LRMDA: variants seen among roughly 807,000 people sequenced by gnomAD.
The protein encoded by LRMDA is leucine-rich melanocyte differentiation-associated protein.
LRMDA carries 18 observed loss-of-function variants against 29.8 expected under a neutral mutation model. The ratio of observed to expected loss-of-function variants is 0.60; its 90% CI spans 0.42 to 0.90. The LOEUF is 0.90. Ranked by LOEUF, LRMDA falls within the 40% of genes least tolerant of loss-of-function variation. The probability of loss-of-function intolerance (pLI) is 0.00; values close to 1 mark genes in which losing one functional copy is unlikely to be tolerated. For synonymous variants in LRMDA, 125 were observed against 109.4 expected (o/e 1.14, Z -0.89); for missense variants, 273 against 273.9 (o/e 1.00, Z 0.02).
At chr10:76,183,846 G>A (rs1030175641) in intron 5 of LRMDA, among the ~76,000 whole-genome samples, 1 of 152,076 alleles carries the variant, frequency 6.6e-6, no homozygotes, top group African/African-American at 2.4e-5. Context: ...AGCCTCCCAA[G>A]TAGCTGGGGC....
chr10:76,524,387 C>T (rs183326935), intron 6 of LRMDA, among the ~76,000 whole-genome samples: 7 of 152,210 alleles, frequency 4.6e-5, no homozygotes, highest in South Asian at 4.2e-4. Flanking sequence ...AATTCATTAA[C>T]GAAAACGTAA....
intron 2 of LRMDA, among the ~76,000 whole-genome samples, chr10:75,653,987 G>C (rs567850017): frequency 9.9e-5 from 15 of 152,156 alleles, no homozygotes; most frequent in Non-Finnish European, 1.9e-4. Flanking sequence ...CCCCGGGTTG[G>C]CCTCTATGTG....
chr10:75,825,546 G>A (rs747745228), intron 2 of LRMDA, among the ~76,000 whole-genome samples: 6 of 152,222 alleles, frequency 3.9e-5, no homozygotes, highest in East Asian at 1.9e-4. Context: ...TAAAGCAAAC[G>A]AATTCCTGGG....
intron 5 of LRMDA, among the ~76,000 whole-genome samples, chr10:76,275,350 T>G (rs2132326370): frequency 1.3e-5 from 2 of 152,170 alleles, no homozygotes; most frequent in South Asian, 4.1e-4. Flanking sequence ...TCTTCATTCT[T>G]TGTATCATTT....
At chr10:76,339,271 C>CA (rs201555311) in intron 6 of LRMDA, among the ~76,000 whole-genome samples, 220 of 116,326 alleles carry the variant, frequency 1.9e-3, no homozygotes, top group South Asian at 5.8e-3. Flanking sequence ...CCCCTCCTTC[C>CA]AAAAAAAAAA....
chr10:75,833,505 T>C (rs985334706), intron 2 of LRMDA, among the ~76,000 whole-genome samples: 2 of 152,062 alleles, frequency 1.3e-5, no homozygotes, highest in African/African-American at 4.8e-5. Context: ...TGCAACAAAC[T>C]TAGTGGGCAA....
At chr10:76,138,964 G>C (rs1006239498) in intron 5 of LRMDA, among the ~76,000 whole-genome samples, 1 of 152,072 alleles carries the variant, frequency 6.6e-6, no homozygotes, top group Non-Finnish European at 1.5e-5. Flanking sequence ...CAATATAAAA[G>C]AGTTACTGTG....
intron 6 of LRMDA, among the ~76,000 whole-genome samples, chr10:76,378,042 G>T (rs1407955550): frequency 1.3e-5 from 2 of 151,966 alleles, no homozygotes; most frequent in South Asian, 2.1e-4. Flanking sequence ...CTATTTGTTT[G>T]TGTCATCTGT....
intron 5 of LRMDA, among the ~76,000 whole-genome samples, chr10:76,096,409 G>T (rs1255605448): frequency 2.0e-5 from 3 of 151,460 alleles, no homozygotes; most frequent in Admixed American, 6.6e-5. Context: ...TTTCATCTTT[G>T]TCAAAAATTA....
intron 2 of LRMDA, among the ~76,000 whole-genome samples, chr10:75,712,053 G>A (rs1842442857): frequency 6.6e-6 from 1 of 151,882 alleles, no homozygotes; most frequent in Non-Finnish European, 1.5e-5. Flanking sequence ...GTAGTCTCCC[G>A]CTTTGTCCCA....
At chr10:75,671,637 G>T (rs1340831234) in intron 2 of LRMDA, among the ~76,000 whole-genome samples, 1 of 152,108 alleles carries the variant, frequency 6.6e-6, no homozygotes, top group Non-Finnish European at 1.5e-5. Flanking sequence ...GGCCTGTCGT[G>T]GGGTGGGGGA....
intron 2 of LRMDA, among the ~76,000 whole-genome samples, chr10:75,598,528 C>T (rs1046730689): frequency 6.6e-6 from 1 of 151,256 alleles, no homozygotes; most frequent in Admixed American, 6.6e-5. Context: ...CCTTCTACTT[C>T]AATTATTTAA....
intron 2 of LRMDA, among the ~76,000 whole-genome samples, chr10:75,515,322 G>T (rs577140019): frequency 6.6e-6 from 1 of 152,262 alleles, no homozygotes; most frequent in Non-Finnish European, 1.5e-5. Context: ...GCACAACATT[G>T]TGAATGTGCA....
intron 5 of LRMDA, among the ~76,000 whole-genome samples, chr10:76,210,756 G>C (rs371807769): frequency 1.3e-5 from 2 of 152,218 alleles, no homozygotes; most frequent in East Asian, 1.9e-4. Flanking sequence ...CAGTTTCTCC[G>C]CATCTCTAAC....
At chr10:75,892,948 A>C (rs1014618373) in intron 2 of LRMDA, among the ~76,000 whole-genome samples, 5 of 152,220 alleles carry the variant, frequency 3.3e-5, no homozygotes, top group African/African-American at 1.2e-4. Context: ...GGAACTGAGC[A>C]GCATAGACTT....
intron 5 of LRMDA, among the ~76,000 whole-genome samples, chr10:76,174,184 T>C (rs1205406682): frequency 6.6e-6 from 1 of 152,216 alleles, no homozygotes; most frequent in African/African-American, 2.4e-5. Flanking sequence ...TAAGATTTTA[T>C]GAGATACCTC....
chr10:75,777,268 T>TC (rs141615387), intron 2 of LRMDA, among the ~76,000 whole-genome samples: 2,066 of 152,238 alleles, frequency 0.014, 53 homozygotes, highest in African/African-American at 0.047. Flanking sequence ...TTCTGGAACC[T>TC]CCCCCAGCCC....
intron 5 of LRMDA, among the ~76,000 whole-genome samples, chr10:76,170,143 T>A (rs961050739): frequency 6.6e-6 from 1 of 152,164 alleles, no homozygotes; most frequent in Non-Finnish European, 1.5e-5. Context: ...CAGGAGCGGA[T>A]CAGGGCTGGA....
At position 76,240,225 on chromosome 10, in the gene LRMDA, C is replaced by T. The variant is rs189999100; in HGVS notation, c.517-84176C>T. Among the ~76,000 whole-genome samples the T allele has an allele frequency of 1.2e-3, 177 of 150,766 alleles. 2 individuals are homozygous for T. The highest frequency in any genetic ancestry group is 0.011 in the South Asian group (53 of 4,796). On this transcript the variant is annotated intron_variant, in intron 5 of 6. Transcript: ENST00000611255. ...CACACACACACCACACACACACATACGCACACCATAGAATACTACTTAACT... is the reference window on the plus strand; with the variant it reads ...CACACACACACCACACACACACATATGCACACCATAGAATACTACTTAACT...
Sources: gnomAD v4.1 joint callset for allele counts (sites outside exome capture counted in the v4.1 genomes callset) on GRCh38, gnomAD v4.1.1 for gene constraint, MANE v1.5 for transcripts, NCBI Gene and HGNC (gene_info 2026-07-23, HGNC 2026-07-21) for gene names.